The following RBFOX1 variants were observed in gnomAD, a reference collection of about 807,000 sequenced individuals.
The protein encoded by RBFOX1 is RNA binding protein fox-1 homolog 1.
A neutral mutation model predicts 57.7 loss-of-function variants in RBFOX1; 8 were observed. That is an observed-to-expected ratio of 0.14 (90% confidence interval 0.08 to 0.25). The LOEUF (loss-of-function observed/expected upper bound fraction) is 0.25. Ranked by LOEUF, RBFOX1 falls within the 10% of genes least tolerant of loss-of-function variation. RBFOX1 has a pLI of 1.00. For synonymous variants in RBFOX1, 326 were observed against 222.4 expected (o/e 1.47, Z -4.15); for missense variants, 611 against 548.5 (o/e 1.11, Z -1.14).
At chr16:5,979,990 T>A (rs544091291) in intron 4 of RBFOX1, among the ~76,000 whole-genome samples, 1 of 152,318 alleles carries the variant, frequency 6.6e-6, no homozygotes, top group Non-Finnish European at 1.5e-5. Context: ...GAGTCCAGAC[T>A]CTTGCCTGCA....
At chr16:6,627,596 T>G (rs2098327805) in intron 2 of RBFOX1, among the ~76,000 whole-genome samples, 1 of 152,150 alleles carries the variant, frequency 6.6e-6, no homozygotes, top group African/African-American at 2.4e-5. Flanking sequence ...AACGCTAGAC[T>G]GAGAATATAC....
intron 4 of RBFOX1, among the ~76,000 whole-genome samples, chr16:5,928,212 G>C (rs914395328): frequency 1.3e-5 from 2 of 151,982 alleles, no homozygotes; most frequent in African/African-American, 4.8e-5. Flanking sequence ...TCCTGCCTCA[G>C]CCTCCTGAGT....
At chr16:7,501,865 G>A (rs569177598) in intron 4 of RBFOX1, among the ~76,000 whole-genome samples, 3 of 152,216 alleles carry the variant, frequency 2.0e-5, no homozygotes, top group African/African-American at 2.4e-5. Flanking sequence ...TATGACTCCT[G>A]CCAGCCTGTA....
intron 2 of RBFOX1, among the ~76,000 whole-genome samples, chr16:6,320,412 T>C (rs1195820638): frequency 6.6e-6 from 1 of 151,988 alleles, no homozygotes. Context: ...GGGTGATGAG[T>C]GTGCCAAAAC....
chr16:6,360,948 T>TTTATA (rs370878159), intron 2 of RBFOX1, among the ~76,000 whole-genome samples: 1 of 150,292 alleles, frequency 6.7e-6, no homozygotes, highest in Non-Finnish European at 1.5e-5. Flanking sequence ...TTTCACATCT[T>TTTATA]TTTTATTTTA....
chr16:5,565,739 T>G (rs1020408585), intron 2 of RBFOX1, among the ~76,000 whole-genome samples: 29 of 152,170 alleles, frequency 1.9e-4, no homozygotes, highest in Non-Finnish European at 3.1e-4. Flanking sequence ...TCCTGGAATC[T>G]CCTCTGTAGC....
At chr16:6,455,500 G>C (rs1483829179) in intron 2 of RBFOX1, among the ~76,000 whole-genome samples, 1 of 152,170 alleles carries the variant, frequency 6.6e-6, no homozygotes, top group African/African-American at 2.4e-5. Context: ...CTATCTCTTA[G>C]AGGGCAGGAG....
At position 7,555,848 on chromosome 16, in the gene RBFOX1, T is replaced by C. The variant is rs1307114587; in HGVS notation, c.271-23929T>C. Among the ~76,000 whole-genome samples, 7 of 152,302 alleles carry C rather than the reference T, an allele frequency of 4.6e-5. No individual in the cohort carries two copies. The South Asian group carries it at 8.3e-4, about 18-fold the overall frequency. On this transcript the variant is annotated intron_variant, in intron 5 of 15. Transcript: ENST00000550418. ...CACGGTCCCTTCCTCCTGCTCAGTATTTATCTCATGGTGCCTATGCTTCCA... is the reference window on the plus strand; with the variant it reads ...CACGGTCCCTTCCTCCTGCTCAGTACTTATCTCATGGTGCCTATGCTTCCA...
intron 3 of RBFOX1, among the ~76,000 whole-genome samples, chr16:7,034,743 A>T (rs958577726): frequency 6.7e-6 from 1 of 149,368 alleles, no homozygotes. Flanking sequence ...TTTATTGTGA[A>T]TTACCTGGGG....
chr16:5,663,213 A>T (rs77167524), intron 3 of RBFOX1, among the ~76,000 whole-genome samples: 4,177 of 152,078 alleles, frequency 0.027, 189 homozygotes, highest in African/African-American at 0.095. Flanking sequence ...TTTATTGATT[A>T]TTTTATTTTA....
chr16:6,719,947 A>C (rs1486768491), intron 3 of RBFOX1, among the ~76,000 whole-genome samples: 1 of 151,864 alleles, frequency 6.6e-6, no homozygotes, highest in Non-Finnish European at 1.5e-5. Context: ...ACAAGAAATT[A>C]GCCGGGGGTG....
chr16:5,903,171 T>C lies in RBFOX1; in HGVS notation c.351+35836T>C, dbSNP rs17138827. 5.2e-3 allele frequency among the ~76,000 whole-genome samples: 797 copies of C among 152,256 alleles called. 7 individuals are homozygous for C. Among genetic ancestry groups the C allele is most frequent in the African/African-American group, 0.018 (734 of 41,546 alleles). ...GCATGTCTGTATGGGAAATATGTTCTGCACTGGAAAATGTAAACCCATGCA... is the reference window on the plus strand; with the variant it reads ...GCATGTCTGTATGGGAAATATGTTCCGCACTGGAAAATGTAAACCCATGCA... On this transcript the variant is annotated intron_variant, in intron 4 of 19. Transcript: ENST00000641259.
intron 2 of RBFOX1, among the ~76,000 whole-genome samples, chr16:5,554,486 T>A (rs1187414634): frequency 6.6e-6 from 1 of 152,172 alleles, no homozygotes; most frequent in Admixed American, 6.5e-5. Context: ...ACAAACCATA[T>A]AAAAATGTAT....
intron 2 of RBFOX1, among the ~76,000 whole-genome samples, chr16:6,445,817 G>A (rs921690035): frequency 2.0e-5 from 3 of 152,048 alleles, no homozygotes; most frequent in Non-Finnish European, 2.9e-5. Flanking sequence ...TCCTGACCTC[G>A]TGATCTGCCC....
At chr16:6,432,408 A>G (rs993716430) in intron 2 of RBFOX1, among the ~76,000 whole-genome samples, 2 of 152,068 alleles carry the variant, frequency 1.3e-5, no homozygotes, top group Non-Finnish European at 2.9e-5. Context: ...ACAGTGGCTC[A>G]TGCCTGTAAT....
chr16:6,754,938 A>G (rs552289771), intron 3 of RBFOX1, among the ~76,000 whole-genome samples: 26 of 151,846 alleles, frequency 1.7e-4, no homozygotes, highest in Admixed American at 6.6e-4. Context: ...CCCACCTATG[A>G]CTGAGAATAT....
intron 4 of RBFOX1, among the ~76,000 whole-genome samples, chr16:7,204,773 C>T (rs574703906): frequency 6.6e-6 from 1 of 152,188 alleles, no homozygotes; most frequent in Non-Finnish European, 1.5e-5. Context: ...CCAATCCTTT[C>T]TCTTTTCCTT....
At chr16:7,089,919 A>AG (rs1047595268) in intron 4 of RBFOX1, among the ~76,000 whole-genome samples, 1 of 151,770 alleles carries the variant, frequency 6.6e-6, no homozygotes, top group African/African-American at 2.4e-5. Context: ...CATTCAAAAA[A>AG]AAAATGGCAG....
rs113197179 is a variant in RBFOX1 at position 7,552,484 on chromosome 16, C to T, written c.271-27293C>T. Among the ~76,000 whole-genome samples the T allele has an allele frequency of 3.2e-3, 484 of 152,220 alleles. 4 individuals are homozygous for T. The highest frequency in any genetic ancestry group is 0.011 in the African/African-American group (454 of 41,542). ...AGTTGCAGAGTTGAGTCTAATGGAACGGCCTGAATGACCACTGGGTCAATG... is the reference window on the plus strand; with the variant it reads ...AGTTGCAGAGTTGAGTCTAATGGAATGGCCTGAATGACCACTGGGTCAATG... On this transcript the variant is annotated intron_variant, in intron 5 of 15. Coordinates refer to ENST00000550418, the MANE Select transcript of RBFOX1 (RefSeq NM_018723.4).
Sources: allele counts gnomAD v4.1 joint callset (sites outside exome capture counted in the v4.1 genomes callset), GRCh38; gene constraint gnomAD v4.1.1; transcripts MANE v1.5; gene names NCBI Gene and HGNC (gene_info 2026-07-23, HGNC 2026-07-21).